The following STXBP4 variants were observed in gnomAD, a reference collection of about 807,000 sequenced individuals.
STXBP4 encodes syntaxin binding protein 4, also known as syntaxin-binding protein 4.
STXBP4 carries 55 observed loss-of-function variants against 76.1 expected under a neutral mutation model. The ratio of observed to expected loss-of-function variants is 0.72; its 90% CI spans 0.58 to 0.91. The LOEUF is 0.91. Among genes scored for constraint, STXBP4 ranks in the 40% least tolerant of loss-of-function variants. The pLI is 0.00. For missense variants in STXBP4, 618 were observed against 636.9 expected, an observed-to-expected ratio of 0.97 and a Z score of 0.32; for synonymous variants, 201 against 220.2, an observed-to-expected ratio of 0.91 and a Z score of 0.77.
intron 10 of STXBP4, among the ~76,000 whole-genome samples, chr17:55,038,979 C>T (rs998561550): frequency 6.6e-6 from 1 of 152,096 alleles, no homozygotes; most frequent in African/African-American, 2.4e-5. Context: ...TATCATATTT[C>T]TCACCACGTA....
At chr17:55,007,447 A>G (rs1481984696) in intron 7 of STXBP4, 59 bp from the exon 8 acceptor site, 5 of 1,201,762 alleles carry the variant, frequency 4.2e-6, no homozygotes, top group Non-Finnish European at 6.2e-6. Flanking sequence ...ATATCCTGTC[A>G]AATAAAAATT....
intron 17 of STXBP4, among the ~76,000 whole-genome samples, chr17:55,150,574 G>T (rs902743658): frequency 1.1e-4 from 16 of 152,092 alleles, no homozygotes; most frequent in Admixed American, 6.5e-5. Flanking sequence ...ATTTCATAAG[G>T]TCCCTAGCAA....
intron 10 of STXBP4, among the ~76,000 whole-genome samples, chr17:55,041,367 C>T (rs926621583): frequency 2.6e-5 from 4 of 151,968 alleles, no homozygotes; most frequent in Admixed American, 6.6e-5. Flanking sequence ...CAGGAGTACC[C>T]CGCCATGTCT....
At chr17:54,983,160 C>A (rs1240726934) in intron 1 of STXBP4, among the ~76,000 whole-genome samples, 1 of 152,168 alleles carries the variant, frequency 6.6e-6, no homozygotes, top group African/African-American at 2.4e-5. Context: ...GTTACGCAGC[C>A]TTTCTCCATA....
intron 9 of STXBP4, among the ~76,000 whole-genome samples, chr17:55,033,549 A>T (rs1332992394): frequency 6.6e-6 from 1 of 152,208 alleles, no homozygotes; most frequent in Non-Finnish European, 1.5e-5. Context: ...TACAGTAGCC[A>T]AAGTGGAAAA....
chr17:55,073,498 A>T (rs753103549), intron 13 of STXBP4, among the ~76,000 whole-genome samples: 4 of 152,172 alleles, frequency 2.6e-5, no homozygotes, highest in Non-Finnish European at 5.9e-5. Context: ...TGTTTGCCTA[A>T]GGCCTAGATA....
chr17:55,049,042 T>C (rs2078826416), intron 12 of STXBP4, among the ~76,000 whole-genome samples: 1 of 151,956 alleles, frequency 6.6e-6, no homozygotes, highest in Non-Finnish European at 1.5e-5. Flanking sequence ...GCAATAGAAT[T>C]AGACCAGCAT....
chr17:55,197,115 G>C, the STXBP4 span, among the ~76,000 whole-genome samples: 11 of 152,264 alleles, frequency 7.2e-5, no homozygotes, highest in East Asian at 2.1e-3. Context: ...AAAACAATTA[G>C]GCACCTCAAC....
chr17:55,125,634 G>A (rs2145104693), intron 16 of STXBP4, among the ~76,000 whole-genome samples: 1 of 152,198 alleles, frequency 6.6e-6, no homozygotes, highest in East Asian at 1.9e-4. Context: ...ACCCAGGGCT[G>A]GGACTAGGAT....
intron 16 of STXBP4, among the ~76,000 whole-genome samples, chr17:55,091,265 G>C (rs1350885859): frequency 6.6e-6 from 1 of 152,136 alleles, no homozygotes; most frequent in East Asian, 1.9e-4. Context: ...TATATCAAGA[G>C]CTTTTTAAAT....
the STXBP4 span, among the ~76,000 whole-genome samples, chr17:55,185,242 T>TTCTC: frequency 4.0e-5 from 2 of 50,340 alleles, no homozygotes; most frequent in Admixed American, 1.7e-4. Context: ...TTCTTCTTCT[T>TTCTC]CTTCTTCTCC....
the STXBP4 span, among the ~76,000 whole-genome samples, chr17:55,182,630 A>G: frequency 6.6e-6 from 1 of 152,166 alleles, no homozygotes; most frequent in Admixed American, 6.5e-5. Context: ...CCCAAGTAGG[A>G]TAAATACAAA....
At chr17:55,040,544 G>A (rs2092266970) in intron 10 of STXBP4, among the ~76,000 whole-genome samples, 1 of 152,146 alleles carries the variant, frequency 6.6e-6, no homozygotes, top group African/African-American at 2.4e-5. Context: ...CAATGGAATA[G>A]TAGTTATCCA....
At chr17:54,989,271 C>A (rs1397999339) in intron 3 of STXBP4, among the ~76,000 whole-genome samples, 2 of 152,150 alleles carry the variant, frequency 1.3e-5, no homozygotes, top group African/African-American at 4.8e-5. Context: ...CCGCGCCTGG[C>A]TAATTTTTTG....
intron 12 of STXBP4, among the ~76,000 whole-genome samples, chr17:55,051,542 G>A (rs1292133228): frequency 1.3e-5 from 2 of 152,100 alleles, no homozygotes; most frequent in Non-Finnish European, 2.9e-5. Context: ...GTTCATTGTT[G>A]TTGAGAAGCA....
In STXBP4 at chr17:55,155,589, A is replaced by C. The variant is rs191404415; in HGVS notation, c.1548-4208A>C. Among the ~76,000 whole-genome samples, 3 of 151,832 alleles carry C rather than the reference A, an allele frequency of 2.0e-5. No individual in the cohort carries two copies. The East Asian group carries it at 5.8e-4, about 30-fold the overall frequency. ...CACAGCTTTATCTTAAACATGATAAAATAGTATATGCAAATTCACAATGAT... is the reference window on the plus strand; with the variant it reads ...CACAGCTTTATCTTAAACATGATAACATAGTATATGCAAATTCACAATGAT... On this transcript the variant is annotated intron_variant, in intron 17 of 17. Transcript: ENST00000376352.
chr17:55,065,394 A>G lies in STXBP4; in HGVS notation c.1012-7506A>G. 1.3e-5 allele frequency among the ~76,000 whole-genome samples: 2 copies of G among 152,164 alleles called. 1 individual carries two copies. The highest frequency in any genetic ancestry group is 3.8e-4 in the East Asian group (2 of 5,198). ...TTGATGAAATTTTGATTCCAATTTA[A>G]TTAAATCTCTAAAGGTTAATGTGGA... On this transcript the variant is annotated intron_variant, in intron 12 of 17. Transcript: ENST00000376352.
chr17:55,064,619 GAGT>G (rs904553781), intron 12 of STXBP4, among the ~76,000 whole-genome samples: 4 of 151,936 alleles, frequency 2.6e-5, no homozygotes, highest in Non-Finnish European at 4.4e-5. Context: ...TCCGCCTCCT[GAGT>G]AGCTGGGATT....
At chr17:55,108,087 G>T (rs1349046948) in intron 16 of STXBP4, among the ~76,000 whole-genome samples, 1 of 152,208 alleles carries the variant, frequency 6.6e-6, no homozygotes, top group African/African-American at 2.4e-5. Context: ...CCTGACTGGG[G>T]CTGCTGCCTT....
Sources: gnomAD v4.1 joint callset for allele counts (sites outside exome capture counted in the v4.1 genomes callset) on GRCh38, gnomAD v4.1.1 for gene constraint, MANE v1.5 for transcripts, NCBI Gene and HGNC (gene_info 2026-07-23, HGNC 2026-07-21) for gene names.